GPC6: variants seen among roughly 807,000 people sequenced by gnomAD.
GPC6 encodes the protein glypican 6, also known as glypican-6.
Under a neutral mutation model 55.2 loss-of-function variants are expected in GPC6, and 14 were observed. The ratio of observed to expected loss-of-function variants is 0.25; its 90% CI spans 0.17 to 0.40. The LOEUF is 0.40. GPC6 is among the 10% of genes least tolerant of loss of function. GPC6 has a pLI of 1.00. For missense variants in GPC6, 641 were observed against 708.5 expected, an observed-to-expected ratio of 0.90 and a Z score of 1.08; for synonymous variants, 278 against 259.6, an observed-to-expected ratio of 1.07 and a Z score of -0.68.
intron 2 of GPC6, among the ~76,000 whole-genome samples, chr13:93,824,662 A>T (rs956922189): frequency 6.6e-6 from 1 of 152,124 alleles, no homozygotes; most frequent in Non-Finnish European, 1.5e-5. Flanking sequence ...GGGGTTATAC[A>T]TGAATATTTA....
intron 4 of GPC6, among the ~76,000 whole-genome samples, chr13:94,169,384 T>C (rs888429462): frequency 1.4e-4 from 21 of 152,134 alleles, no homozygotes; most frequent in African/African-American, 4.6e-4. Flanking sequence ...CAAAACACTG[T>C]CACTCTGAAA....
intron 1 of GPC6, among the ~76,000 whole-genome samples, chr13:93,538,087 C>T (rs1474114492): frequency 6.6e-6 from 1 of 152,094 alleles, no homozygotes; most frequent in Non-Finnish European, 1.5e-5. Context: ...TTAAGGAACA[C>T]CCAGCCCATG....
chr13:93,365,424 T>C (rs1881210144), intron 1 of GPC6, among the ~76,000 whole-genome samples: 1 of 152,130 alleles, frequency 6.6e-6, no homozygotes, highest in Non-Finnish European at 1.5e-5. Context: ...TATTTTGCCT[T>C]AACAACAGCT....
intron 6 of GPC6, among the ~76,000 whole-genome samples, chr13:94,307,741 GAT>G (rs1338085520): frequency 6.6e-6 from 1 of 152,156 alleles, no homozygotes; most frequent in African/African-American, 2.4e-5. Context: ...GTTTTCATTA[GAT>G]TATATTGTTT....
intron 2 of GPC6, among the ~76,000 whole-genome samples, chr13:93,640,815 CTTT>C (rs1261206125): frequency 6.1e-5 from 4 of 65,794 alleles, no homozygotes; most frequent in African/African-American, 1.2e-4. Flanking sequence ...TTCCTTCCTT[CTTT>C]CCTTCCTTCC....
At chr13:94,166,926 A>T (rs776990525) in intron 4 of GPC6, among the ~76,000 whole-genome samples, 1 of 152,196 alleles carries the variant, frequency 6.6e-6, no homozygotes, top group African/African-American at 2.4e-5. Context: ...GGTAAAGTTG[A>T]TTTCTCAGCT....
At chr13:93,909,021 A>G (rs1422426935) in intron 3 of GPC6, among the ~76,000 whole-genome samples, 1 of 152,124 alleles carries the variant, frequency 6.6e-6, no homozygotes, top group Non-Finnish European at 1.5e-5. Context: ...CCTATATTGT[A>G]TATATATTTA....
At chr13:93,502,703 C>CCTGCTTT (rs2139373507) in intron 1 of GPC6, among the ~76,000 whole-genome samples, 1 of 152,172 alleles carries the variant, frequency 6.6e-6, no homozygotes, top group African/African-American at 2.4e-5. Context: ...GTATTATTAT[C>CCTGCTTT]ATGCTTTCTG....
At chr13:94,388,422 G>C (rs1369034205) in intron 7 of GPC6, among the ~76,000 whole-genome samples, 1 of 152,164 alleles carries the variant, frequency 6.6e-6, no homozygotes, top group Non-Finnish European at 1.5e-5. Flanking sequence ...ACAATGAATT[G>C]CATAGGCTTC....
At chr13:94,144,415 A>G (rs1485687593) in intron 4 of GPC6, among the ~76,000 whole-genome samples, 1 of 136,124 alleles carries the variant, frequency 7.3e-6, no homozygotes, top group African/African-American at 2.7e-5. Flanking sequence ...ACACACACAC[A>G]CACACACACA....
chr13:93,782,200 G>A (rs747972953), intron 2 of GPC6, among the ~76,000 whole-genome samples: 35 of 151,980 alleles, frequency 2.3e-4, no homozygotes, highest in Non-Finnish European at 2.9e-4. Flanking sequence ...TCTGTGCTTG[G>A]CCTATTTTAC....
intron 2 of GPC6, among the ~76,000 whole-genome samples, chr13:93,674,212 A>G (rs1209207173): frequency 6.6e-6 from 1 of 152,124 alleles, no homozygotes; most frequent in East Asian, 1.9e-4. Context: ...TTTACTAAAC[A>G]CTATTGGAGG....
At chr13:93,858,845 C>T (rs1012353526) in intron 3 of GPC6, among the ~76,000 whole-genome samples, 1 of 151,138 alleles carries the variant, frequency 6.6e-6, no homozygotes, top group African/African-American at 2.4e-5. Context: ...GTAAACAAGA[C>T]TTTTGAGGAA....
Position 93,292,420 on chromosome 13 carries a change from A to G in GPC6, c.160+64804A>G, listed in dbSNP as rs543097085. On this transcript the variant is annotated intron_variant, in intron 1 of 8. Coordinates refer to ENST00000377047, the MANE Select transcript of GPC6 (RefSeq NM_005708.5). ...GGAATTCTAGACTTTTTAAGAAATG[A>G]AAAGGTAAAATAATAAGAGTATCTC... Among the ~76,000 whole-genome samples the G allele has an allele frequency of 5.6e-4, 86 of 152,326 alleles. 1 individual carries two copies. The South Asian group carries it at 7.7e-3, about 14-fold the overall frequency.
chr13:94,277,548 G>T (rs529859157), intron 4 of GPC6, among the ~76,000 whole-genome samples: 50 of 152,170 alleles, frequency 3.3e-4, no homozygotes, highest in Admixed American at 2.5e-3. Context: ...TTCTTCGGGG[G>T]TTTTTATAGT....
chr13:93,466,250 A>G (rs1878900460), intron 1 of GPC6, among the ~76,000 whole-genome samples: 1 of 152,108 alleles, frequency 6.6e-6, no homozygotes, highest in Admixed American at 6.6e-5. Context: ...CAATAAAGTG[A>G]AGTACAATAA....
At chr13:94,251,526 C>T (rs1159589675) in intron 4 of GPC6, among the ~76,000 whole-genome samples, 1 of 151,748 alleles carries the variant, frequency 6.6e-6, no homozygotes, top group Non-Finnish European at 1.5e-5. Context: ...ATACAAAGCC[C>T]CCAAATCCCA....
chr13:94,371,801 T>A (rs966426130), intron 6 of GPC6, among the ~76,000 whole-genome samples: 2 of 152,308 alleles, frequency 1.3e-5, no homozygotes, highest in East Asian at 3.9e-4. Flanking sequence ...GGTTGACTAT[T>A]TTGCTATTTT....
chr13:93,490,460 CTT>C (rs71123487), intron 1 of GPC6, among the ~76,000 whole-genome samples: 3 of 30,644 alleles, frequency 9.8e-5, no homozygotes, highest in African/African-American at 3.5e-4. Context: ...ATTATTATTT[CTT>C]TTTTTTTTTT....
Sources: allele counts gnomAD v4.1 joint callset (sites outside exome capture counted in the v4.1 genomes callset), GRCh38; gene constraint gnomAD v4.1.1; transcripts MANE v1.5; gene names NCBI Gene and HGNC (gene_info 2026-07-23, HGNC 2026-07-21).